The following MAPK6 variants were observed in gnomAD, a reference collection of about 807,000 sequenced individuals.
MAPK6 encodes the protein ERK-3.
Under a neutral mutation model 59.3 loss-of-function variants are expected in MAPK6, and 19 were observed. That is an observed-to-expected ratio of 0.32 (90% CI 0.22 to 0.47). MAPK6 has a LOEUF of 0.47. Ranked by LOEUF, MAPK6 falls within the 20% of genes least tolerant of loss-of-function variation. The pLI is 1.00. For synonymous variants in MAPK6, 316 were observed against 290.3 expected (o/e 1.09, Z -0.90); for missense variants, 724 against 847.9 (o/e 0.85, Z 1.81).
chr15:51,980,011 A>G (rs1378671188), intron 1 of MAPK6, among the ~76,000 whole-genome samples: 1 of 151,416 alleles, frequency 6.6e-6, no homozygotes, highest in African/African-American at 2.4e-5. Context: ...TAGAAGTAGA[A>G]GGGCCGGGCG....
rs185436659 is a variant in MAPK6, at chr15:52,026,721, G to A, written c.-632+7345G>A. 4.4e-4 allele frequency among the ~76,000 whole-genome samples: 67 copies of A among 152,222 alleles called. No homozygotes were observed. In the Middle Eastern group the frequency reaches 0.031, roughly 70 times the overall value. ...TTTGTAAAATGACATTTACAAGACT[G>A]TAGTTTGAGATGAGAGAAATAATTT... On this transcript the variant is annotated intron_variant, in intron 1 of 5. Transcript: ENST00000261845.
At chr15:52,051,255 T>C (rs1350115969) in intron 3 of MAPK6, among the ~76,000 whole-genome samples, 1 of 152,016 alleles carries the variant, frequency 6.6e-6, no homozygotes, top group East Asian at 1.9e-4. Context: ...GATAGGGTTT[T>C]ACCATGTTAG....
At chr15:52,023,122 A>AC (rs1047527615) in intron 1 of MAPK6, among the ~76,000 whole-genome samples, 17 of 151,414 alleles carry the variant, frequency 1.1e-4, no homozygotes, top group South Asian at 2.1e-4. Flanking sequence ...AAAAAAAAAA[A>AC]AAAAAACCGA....
intron 1 of MAPK6, among the ~76,000 whole-genome samples, chr15:51,978,925 A>C (rs2057164917): frequency 6.6e-6 from 1 of 151,680 alleles, no homozygotes; most frequent in Admixed American, 6.6e-5. Context: ...GTTCAAGACC[A>C]GCCTGGGCAA....
intron 1 of MAPK6, among the ~76,000 whole-genome samples, chr15:52,029,257 C>T (rs542370166): frequency 2.2e-4 from 33 of 152,068 alleles, no homozygotes; most frequent in Admixed American, 5.2e-4. Context: ...AGGCTGGTCT[C>T]GGAACTCCTG....
At chr15:52,028,752 T>C (rs982805408) in intron 1 of MAPK6, among the ~76,000 whole-genome samples, 1 of 152,232 alleles carries the variant, frequency 6.6e-6, no homozygotes, top group Non-Finnish European at 1.5e-5. Context: ...ATTCTCTAGC[T>C]ACAGCCTCAT....
At chr15:52,002,639 G>A (rs2057245343) in intron 2 of MAPK6, among the ~76,000 whole-genome samples, 1 of 152,230 alleles carries the variant, frequency 6.6e-6, no homozygotes, top group South Asian at 2.1e-4. Context: ...AGAGGAAGTG[G>A]ATCATCAGAG....
At chr15:52,018,160 T>C (rs2141840643), upstream of MAPK6, 1 of 152,376 alleles carries the variant, frequency 6.6e-6, no homozygotes, top group South Asian at 2.1e-4. Flanking sequence ...CCCGAGTAGC[T>C]GGGATTACAG....
In MAPK6 at chr15:51,975,742, G is replaced by C. The variant is rs190824169; in HGVS notation, c.-880+3836G>C. Among the ~76,000 whole-genome samples the C allele has an allele frequency of 9.0e-4, 136 of 151,814 alleles. 2 individuals are homozygous for C. The highest frequency in any genetic ancestry group is 3.3e-3 in the Admixed American group (51 of 15,256). ...TGGCTTTTCTGAGCACTTTGTGGAA[G>C]GAGTTGGCCTTTAGAAGGGAACAGG... On this transcript the variant is annotated intron_variant, in intron 1 of 7. Coordinates refer to the MAPK6 transcript ENST00000691380.
At chr15:51,984,454 T>TTTTTTC (rs2057184242) in intron 2 of MAPK6, among the ~76,000 whole-genome samples, 1 of 129,472 alleles carries the variant, frequency 7.7e-6, no homozygotes. Flanking sequence ...CTAATTTTTT[T>TTTTTTC]TTTTTTTTTT....
intron 2 of MAPK6, among the ~76,000 whole-genome samples, chr15:51,994,199 A>G (rs1031130037): frequency 2.6e-5 from 4 of 152,036 alleles, no homozygotes; most frequent in African/African-American, 9.7e-5. Flanking sequence ...GCCTCAGGTG[A>G]TCTGCCCACC....
In MAPK6 at chr15:51,983,440, T is replaced by C. The variant is rs527958846; in HGVS notation, c.-770+125T>C. On this transcript the variant is annotated intron_variant, in intron 2 of 7. Coordinates refer to the MAPK6 transcript ENST00000691380. Reference sequence around the variant, plus strand: ...GATGCAGTGAGCAGAGATCACGCCATTGCACTCCAGCCTGGGCAACAACAG... The same window carrying C: ...GATGCAGTGAGCAGAGATCACGCCACTGCACTCCAGCCTGGGCAACAACAG... 2.4e-4 allele frequency among the ~76,000 whole-genome samples: 36 copies of C among 151,640 alleles called. No homozygotes were observed. In the East Asian group the frequency reaches 5.5e-3, roughly 23 times the overall value.
chr15:52,011,500 T>G (rs2030057214), intron 3 of MAPK6: 6 of 152,246 alleles, frequency 3.9e-5, no homozygotes, highest in Non-Finnish European at 1.5e-5. Flanking sequence ...TAAGCTTTAT[T>G]CAGGCATGAG....
At chr15:51,998,687 A>ATTGTTTTTTTTTTTTTT (rs2057233143) in intron 2 of MAPK6, among the ~76,000 whole-genome samples, 1 of 38,472 alleles carries the variant, frequency 2.6e-5, no homozygotes, top group Non-Finnish European at 4.6e-5. Flanking sequence ...TGCCTGGTTA[A>ATTGTTTTTTTTTTTTTT]TTTTTTTTTT....
At chr15:52,035,847 G>C (rs1427974368) in intron 1 of MAPK6, among the ~76,000 whole-genome samples, 1 of 151,904 alleles carries the variant, frequency 6.6e-6, no homozygotes, top group South Asian at 2.1e-4. Flanking sequence ...CCTTCTAAAG[G>C]GTTTGACTTT....
At chr15:52,026,208 T>A (rs539099686) in intron 1 of MAPK6, among the ~76,000 whole-genome samples, 2 of 152,246 alleles carry the variant, frequency 1.3e-5, no homozygotes, top group Non-Finnish European at 2.9e-5. Context: ...TGGCACTTGT[T>A]GATTACTTCC....
intron 2 of MAPK6, among the ~76,000 whole-genome samples, chr15:51,986,433 A>T (rs377519741): frequency 1.3e-5 from 2 of 152,312 alleles, no homozygotes; most frequent in South Asian, 4.1e-4. Flanking sequence ...GTCTGAAAGG[A>T]CATAAGCCAA....
At chr15:52,030,793 ATT>A (rs762313465) in intron 1 of MAPK6, among the ~76,000 whole-genome samples, 22 of 134,028 alleles carry the variant, frequency 1.6e-4, no homozygotes, top group Admixed American at 1.5e-4. Flanking sequence ...TGCCCAGCTA[ATT>A]TTTTTTTTTT....
chr15:52,013,734 G>A (rs1426631252), intron 3 of MAPK6, among the ~76,000 whole-genome samples: 3 of 152,078 alleles, frequency 2.0e-5, no homozygotes, highest in Non-Finnish European at 4.4e-5. Context: ...GGAAGGGGAG[G>A]CTCCTTAGAG....
Sources: allele counts gnomAD v4.1 joint callset (sites outside exome capture counted in the v4.1 genomes callset), GRCh38; gene constraint gnomAD v4.1.1; transcripts MANE v1.5; gene names NCBI Gene and HGNC (gene_info 2026-07-23, HGNC 2026-07-21).